DNAJB6: variants seen among roughly 807,000 people sequenced by gnomAD.
DNAJB6 encodes DnaJ heat shock protein family (Hsp40) member B6.
DNAJB6 carries 16 observed loss-of-function variants against 42.7 expected under a neutral mutation model. The observed-to-expected ratio is 0.37, with a 90% CI of 0.25 to 0.57. The LOEUF (loss-of-function observed/expected upper bound fraction) is 0.57, where lower values mean the gene tolerates loss of function less well. Ranked by LOEUF, DNAJB6 falls within the 20% of genes least tolerant of loss-of-function variation. The probability of loss-of-function intolerance (pLI) is 0.74; values close to 1 mark genes in which losing one functional copy is unlikely to be tolerated. For synonymous variants in DNAJB6, 170 were observed against 163.5 expected, an observed-to-expected ratio of 1.04 and a Z score of -0.30; for missense variants, 347 against 416.8, an observed-to-expected ratio of 0.83 and a Z score of 1.46.
At chr7:157,401,965 G>A (rs373653464) in intron 8 of DNAJB6, among the ~76,000 whole-genome samples, 1 of 152,198 alleles carries the variant, frequency 6.6e-6, no homozygotes, top group Non-Finnish European at 1.5e-5. Context: ...GAGCCCACAG[G>A]CTGCTTATCT....
intron 1 of DNAJB6, among the ~76,000 whole-genome samples, chr7:157,347,681 A>G (rs1157656845): frequency 6.6e-6 from 1 of 152,186 alleles, no homozygotes; most frequent in African/African-American, 2.4e-5. Context: ...TTCCCCCTTA[A>G]TCGGCTAATA....
At chr7:157,348,950 T>A (rs552697218) in intron 1 of DNAJB6, among the ~76,000 whole-genome samples, 1 of 152,344 alleles carries the variant, frequency 6.6e-6, no homozygotes, top group South Asian at 2.1e-4. Flanking sequence ...CTCTTGTTTT[T>A]CATTTCGTCA....
Position 157,387,123 on chromosome 7 carries a change from A to T in DNAJB6, c.691+1512A>T, listed in dbSNP as rs190756290. 5.1e-4 allele frequency among the ~76,000 whole-genome samples: 77 copies of T among 152,282 alleles called. 1 individual carries two copies. Among genetic ancestry groups the T allele is most frequent in the African/African-American group, 1.8e-3 (75 of 41,560 alleles). On this transcript the variant is annotated intron_variant, in intron 8 of 9. Coordinates refer to ENST00000262177, the MANE Select transcript of DNAJB6 (RefSeq NM_058246.4). ...GCTGGCTTTGCAGGAGGGCATAGAG[A>T]TTGCTCGGGATACGCCAGAGCCCTT...
chr7:157,355,599 G>A (rs1020483048), intron 1 of DNAJB6, among the ~76,000 whole-genome samples: 2 of 152,152 alleles, frequency 1.3e-5, no homozygotes, highest in Non-Finnish European at 2.9e-5. Context: ...CCTTAAATAA[G>A]AGCCTCCAGT....
intron 8 of DNAJB6, chr7:157,386,372 T>C: frequency 4.2e-6 from 4 of 945,448 alleles, no homozygotes; most frequent in Non-Finnish European, 5.0e-6. Context: ...CTAGTGTCAC[T>C]TTAATAGCGT....
chr7:157,357,276 GTCCTTCCTTCCGTCCTTCCT>G lies in DNAJB6; in HGVS notation c.-26-1259_-26-1240del, dbSNP rs1443738126. On this transcript the variant is annotated intron_variant, in intron 1 of 9. Transcript: ENST00000262177. ...CTTCCTTCCTTCCGTCCTTCCTTCC[GTCCTTCCTTCCGTCCTTCCT>G]TCCTTCCTTCCTTCCTTCCTTCCTT... Among the ~76,000 whole-genome samples, 15 of 29,838 alleles carry G rather than the reference GTCCTTCCTTCCGTCCTTCCT, an allele frequency of 5.0e-4. 3 individuals carry two copies. Among genetic ancestry groups the G allele is most frequent in the African/African-American group, 8.3e-4 (8 of 9,676 alleles). The allele number at this position is 29,838 out of a possible 152,430, so 19.6% of individuals were successfully genotyped here.
intron 8 of DNAJB6, among the ~76,000 whole-genome samples, chr7:157,406,840 G>A (rs1014586252): frequency 6.6e-6 from 1 of 152,230 alleles, no homozygotes. Flanking sequence ...GTCTCAGCGG[G>A]GCCTTTTTCT....
intron 1 of DNAJB6, among the ~76,000 whole-genome samples, chr7:157,342,177 A>C (rs1033481094): frequency 4.8e-5 from 7 of 146,186 alleles, no homozygotes; most frequent in Admixed American, 2.0e-4. Flanking sequence ...TATAATAATA[A>C]TTTTTTTTGA....
At chr7:157,380,802 A>C (rs927398757) in intron 5 of DNAJB6, 20 of 152,190 alleles carry the variant, frequency 1.3e-4, no homozygotes, top group African/African-American at 4.8e-4. Flanking sequence ...CATTCTGACG[A>C]GCTCTATAGT....
chr7:157,391,865 G>C (rs1173379173), intron 8 of DNAJB6, among the ~76,000 whole-genome samples: 1 of 152,120 alleles, frequency 6.6e-6, no homozygotes, highest in East Asian at 1.9e-4. Flanking sequence ...GCTCTGGGAG[G>C]CTGAGGTGGG....
chr7:157,354,237 T>C (rs1196043431), intron 1 of DNAJB6, among the ~76,000 whole-genome samples: 1 of 152,160 alleles, frequency 6.6e-6, no homozygotes, highest in Non-Finnish European at 1.5e-5. Context: ...AGCCTCCGCT[T>C]CCTGGGTTCA....
chr7:157,342,380 C>G (rs1798443991), intron 1 of DNAJB6, among the ~76,000 whole-genome samples: 1 of 135,844 alleles, frequency 7.4e-6, no homozygotes, highest in South Asian at 2.4e-4. Flanking sequence ...TCTTGTTGCC[C>G]AGGCTGGAGT....
At chr7:157,397,769 C>T (rs1801663086) in intron 8 of DNAJB6, among the ~76,000 whole-genome samples, 1 of 152,264 alleles carries the variant, frequency 6.6e-6, no homozygotes, top group African/African-American at 2.4e-5. Context: ...TTCTCCCTCT[C>T]GACCTCTGCC....
At chr7:157,404,058 C>T (rs1233239572) in intron 8 of DNAJB6, among the ~76,000 whole-genome samples, 1 of 151,884 alleles carries the variant, frequency 6.6e-6, no homozygotes, top group South Asian at 2.1e-4. Context: ...CCTCGAACTC[C>T]TAGGCTCAAG....
chr7:157,410,773 G>T (rs1366883001), intron 9 of DNAJB6: 1 of 152,296 alleles, frequency 6.6e-6, no homozygotes, highest in Admixed American at 6.5e-5. Flanking sequence ...TGATCCCTGG[G>T]TTTGGGGGAC....
chr7:157,343,510 C>T (rs753663726), intron 1 of DNAJB6, among the ~76,000 whole-genome samples: 4 of 151,754 alleles, frequency 2.6e-5, no homozygotes, highest in Non-Finnish European at 4.4e-5. Context: ...GCTCTGTTGC[C>T]CCGGCTGGAG....
intron 1 of DNAJB6, among the ~76,000 whole-genome samples, chr7:157,353,832 A>C (rs942974536): frequency 2.1e-5 from 3 of 143,952 alleles, no homozygotes; most frequent in African/African-American, 8.7e-5. Context: ...ACAGCTACTT[A>C]AATTTTTTTT....
chr7:157,403,653 G>T (rs1795624366), intron 8 of DNAJB6, among the ~76,000 whole-genome samples: 1 of 151,870 alleles, frequency 6.6e-6, no homozygotes, highest in Non-Finnish European at 1.5e-5. Context: ...ACCTTCTTTA[G>T]GAATAAAATG....
chr7:157,397,129 TGCGAGGCCCGTGTGAA>T (rs1157016091), intron 8 of DNAJB6, among the ~76,000 whole-genome samples: 1 of 152,188 alleles, frequency 6.6e-6, no homozygotes, highest in Non-Finnish European at 1.5e-5. Flanking sequence ...TGGCTGCCCC[TGCGAGGCCCGTGTGAA>T]GCCAGCCCCG....
Sources: allele counts gnomAD v4.1 joint callset (sites outside exome capture counted in the v4.1 genomes callset), GRCh38; gene constraint gnomAD v4.1.1; transcripts MANE v1.5; gene names NCBI Gene and HGNC (gene_info 2026-07-23, HGNC 2026-07-21).